The following ECT2L variants were observed in gnomAD, a reference collection of about 807,000 sequenced individuals.
ECT2L encodes the protein epithelial cell-transforming sequence 2 oncogene-like.
A neutral mutation model predicts 122.8 loss-of-function variants in ECT2L; 126 were observed. The observed-to-expected ratio is 1.03, with a 90% CI of 0.89 to 1.19. The LOEUF (loss-of-function observed/expected upper bound fraction) is 1.19. Ranked by LOEUF, ECT2L falls within the 50% of genes most tolerant of loss-of-function variation. The pLI is 0.00. For missense variants in ECT2L, 1,012 were observed against 1,064.1 expected (o/e 0.95, Z 0.68); for synonymous variants, 385 against 381.8 (o/e 1.01, Z -0.10).
At chr6:138,833,774 C>G (rs1340761170) in intron 4 of ECT2L, among the ~76,000 whole-genome samples, 1 of 151,592 alleles carries the variant, frequency 6.6e-6, no homozygotes, top group African/African-American at 2.4e-5. Flanking sequence ...AGTACTCCAG[C>G]CTGGGTGACA....
At chr6:138,858,764 G>C (rs1777715254) in intron 10 of ECT2L, among the ~76,000 whole-genome samples, 2 of 129,174 alleles carry the variant, frequency 1.5e-5, no homozygotes, top group Admixed American at 1.8e-4. Context: ...GGAGTGCAGT[G>C]ATGAAATCAC....
chr6:138,877,693 G>A (rs1444995940), intron 14 of ECT2L, among the ~76,000 whole-genome samples: 5 of 152,072 alleles, frequency 3.3e-5, no homozygotes, highest in Non-Finnish European at 2.9e-5. Context: ...CAGCACTTTC[G>A]GAGGCCAAGG....
At chr6:138,846,493 A>G (rs775791144) in intron 7 of ECT2L, 46 bp from the exon 8 acceptor site, 1 of 1,531,740 alleles carries the variant, frequency 6.5e-7, no homozygotes, top group South Asian at 1.3e-5. Flanking sequence ...CCAAAACTCA[A>G]GGTAAGAGAA....
rs571376923 is a variant in ECT2L, at chr6:138,864,586, G to A, written c.1292-410G>A. Among the ~76,000 whole-genome samples the A allele has an allele frequency of 4.6e-5, 7 of 152,290 alleles. No individual in the cohort carries two copies. In the South Asian group the frequency reaches 6.2e-4, roughly 14 times the overall value. On this transcript the variant is annotated intron_variant, in intron 11 of 21. Transcript: ENST00000541398. ...GATGACAGGGTTGACTTCCATTGGC[G>A]ATGACAGGGTTGACTTCCAATGGCC...
At chr6:138,895,743 T>G (rs961313410) in intron 20 of ECT2L, among the ~76,000 whole-genome samples, 2 of 152,058 alleles carry the variant, frequency 1.3e-5, no homozygotes, top group African/African-American at 4.8e-5. Context: ...AGCTAATTTT[T>G]TTGTATTTTT....
chr6:138,851,786 A>T (rs1395119444), intron 9 of ECT2L, among the ~76,000 whole-genome samples: 1 of 152,138 alleles, frequency 6.6e-6, no homozygotes, highest in Non-Finnish European at 1.5e-5. Flanking sequence ...CACTGTGTTG[A>T]TTGTACACTT....
intron 1 of ECT2L, among the ~76,000 whole-genome samples, chr6:138,809,668 TA>T (rs1775826611): frequency 6.6e-6 from 1 of 152,220 alleles, no homozygotes; most frequent in African/African-American, 2.4e-5. Context: ...ATATTTATGG[TA>T]ATATGCTTGT....
chr6:138,893,293 C>T (rs1779100127), intron 20 of ECT2L, among the ~76,000 whole-genome samples: 2 of 151,576 alleles, frequency 1.3e-5, no homozygotes, highest in Non-Finnish European at 1.5e-5. Context: ...GGTAAAGTCC[C>T]AGTTGGTTAG....
intron 4 of ECT2L, among the ~76,000 whole-genome samples, chr6:138,816,376 G>A (rs1282334512): frequency 2.0e-5 from 3 of 152,132 alleles, no homozygotes; most frequent in Admixed American, 6.5e-5. Context: ...AACCTGTTCA[G>A]TGAAAGTACT....
At chr6:138,847,482 T>C (rs1171907718) in intron 8 of ECT2L, among the ~76,000 whole-genome samples, 1 of 138,456 alleles carries the variant, frequency 7.2e-6, no homozygotes, top group East Asian at 2.5e-4. Flanking sequence ...ACCATTCTCC[T>C]GCCTCAGCCT....
intron 4 of ECT2L, among the ~76,000 whole-genome samples, chr6:138,831,581 G>A (rs1042383997): frequency 7.9e-5 from 12 of 152,198 alleles, no homozygotes; most frequent in East Asian, 1.9e-4. Context: ...CTTAGCTCCC[G>A]CAGGGAAGCC....
intron 20 of ECT2L, among the ~76,000 whole-genome samples, chr6:138,894,160 G>A (rs528124993): frequency 2.0e-5 from 3 of 152,210 alleles, no homozygotes; most frequent in South Asian, 4.2e-4. Flanking sequence ...AGGTTCAAGC[G>A]ATTCTCCTGC....
chr6:138,878,174 C>T (rs1778518769), intron 14 of ECT2L, among the ~76,000 whole-genome samples: 1 of 152,102 alleles, frequency 6.6e-6, no homozygotes, highest in Non-Finnish European at 1.5e-5. Flanking sequence ...CACTTAAAGA[C>T]AGATTGCCCT....
At chr6:138,893,665 A>G (rs916483047) in intron 20 of ECT2L, among the ~76,000 whole-genome samples, 2 of 152,048 alleles carry the variant, frequency 1.3e-5, no homozygotes, top group African/African-American at 4.8e-5. Flanking sequence ...CAAATGATCC[A>G]TCTGCCTTGG....
intron 9 of ECT2L, among the ~76,000 whole-genome samples, 195 bp from the exon 10 acceptor site, chr6:138,853,831 C>T (rs1156538490): frequency 6.6e-6 from 1 of 152,098 alleles, no homozygotes; most frequent in Non-Finnish European, 1.5e-5. Context: ...GTCCAATTTA[C>T]CCAGGATGTG....
At chr6:138,883,509 A>C (rs532960433) in intron 16 of ECT2L, among the ~76,000 whole-genome samples, 1 of 152,168 alleles carries the variant, frequency 6.6e-6, no homozygotes, top group East Asian at 1.9e-4. Context: ...GTCACATGGC[A>C]GCACACTTCT....
intron 9 of ECT2L, among the ~76,000 whole-genome samples, chr6:138,850,157 CGA>C (rs1777383902): frequency 2.7e-5 from 4 of 148,422 alleles, no homozygotes; most frequent in African/African-American, 1.0e-4. Context: ...TTTCTTTTTT[CGA>C]GACAGAGTCT....
At position 138,903,333 on chromosome 6, in the gene ECT2L, C is replaced by T. The variant is rs1779471217; in HGVS notation, c.*706C>T. ...TGAGATGGCTCCATTGCACTTCAGC[C>T]TGGGTGACAAGAGCGAACCTCTGTC... is the stretch of plus-strand genomic sequence containing the variant. On this transcript the variant is annotated 3_prime_UTR_variant, in exon 22 of 22. Transcript: ENST00000541398. The T allele has an allele frequency of 6.6e-6, 1 of 150,740 alleles. No individual in the cohort carries two copies. Among genetic ancestry groups the T allele is most frequent in the Non-Finnish European group, 1.5e-5 (1 of 67,844 alleles). The allele number at this position is 150,740 out of a possible 1,614,324, so 9.3% of individuals were successfully genotyped here. A position where few individuals can be genotyped will look rare whatever the true frequency, so the allele number is the denominator to read the frequency against.
chr6:138,877,805 T>C (rs1778504724), intron 14 of ECT2L, among the ~76,000 whole-genome samples: 1 of 152,076 alleles, frequency 6.6e-6, no homozygotes. Context: ...TTGTGGTGGC[T>C]ACTCTGGTGG....
Sources: gnomAD v4.1 joint callset for allele counts (sites outside exome capture counted in the v4.1 genomes callset) on GRCh38, gnomAD v4.1.1 for gene constraint, MANE v1.5 for transcripts, NCBI Gene and HGNC (gene_info 2026-07-23, HGNC 2026-07-21) for gene names.